VAV3: variants seen among roughly 807,000 people sequenced by gnomAD.
VAV3 encodes guanine nucleotide exchange factor VAV3.
Under a neutral mutation model 131.2 loss-of-function variants are expected in VAV3, and 94 were observed. The ratio of observed to expected loss-of-function variants is 0.72; its 90% CI spans 0.61 to 0.85. VAV3 has a LOEUF of 0.85. Among genes scored for constraint, VAV3 ranks in the 40% least tolerant of loss-of-function variants. The probability of loss-of-function intolerance (pLI) is 0.00; values close to 1 mark genes in which losing one functional copy is unlikely to be tolerated. For missense variants in VAV3, 939 were observed against 1,002.7 expected (o/e 0.94, Z 0.86); for synonymous variants, 349 against 342.0 (o/e 1.02, Z -0.22).
chr1:107,896,314 C>T (rs1671570241), intron 1 of VAV3, among the ~76,000 whole-genome samples: 1 of 152,136 alleles, frequency 6.6e-6, no homozygotes, highest in Non-Finnish European at 1.5e-5. Context: ...TGGAGTGCCT[C>T]TCCCCATCCC....
chr1:107,936,883 C>T (rs755399333), intron 1 of VAV3, among the ~76,000 whole-genome samples: 2 of 152,170 alleles, frequency 1.3e-5, no homozygotes, highest in Non-Finnish European at 2.9e-5. Flanking sequence ...CCCGACCGAT[C>T]TTGTGATTTG....
At chr1:107,736,975 C>G (rs961640106) in intron 15 of VAV3, among the ~76,000 whole-genome samples, 2 of 152,124 alleles carry the variant, frequency 1.3e-5, no homozygotes, top group Non-Finnish European at 2.9e-5. Flanking sequence ...CTACAGTAAC[C>G]AAAACAGCAT....
At chr1:107,663,137 T>TA (rs1360628218) in intron 19 of VAV3, among the ~76,000 whole-genome samples, 3 of 152,200 alleles carry the variant, frequency 2.0e-5, no homozygotes, top group African/African-American at 7.2e-5. Flanking sequence ...GTTCATCTGG[T>TA]TAGTCAGGAT....
chr1:107,849,326 C>T (rs768894692), intron 2 of VAV3, among the ~76,000 whole-genome samples: 5 of 150,970 alleles, frequency 3.3e-5, no homozygotes, highest in Non-Finnish European at 5.9e-5. Context: ...TGACTTCAAA[C>T]TATACTACAA....
intron 1 of VAV3, among the ~76,000 whole-genome samples, chr1:107,885,566 T>A (rs758923325): frequency 6.6e-6 from 1 of 152,096 alleles, no homozygotes; most frequent in Non-Finnish European, 1.5e-5. Context: ...GAAAGATAAT[T>A]ATCTACAAAT....
At chr1:107,750,509 G>C (rs1260960576) in intron 13 of VAV3, among the ~76,000 whole-genome samples, 2 of 152,134 alleles carry the variant, frequency 1.3e-5, no homozygotes, top group Non-Finnish European at 2.9e-5. Flanking sequence ...ATTTCTCCCA[G>C]AGAGGTTTAA....
At chr1:107,584,078 A>C (rs898203082) in intron 25 of VAV3, among the ~76,000 whole-genome samples, 5 of 152,208 alleles carry the variant, frequency 3.3e-5, no homozygotes, top group African/African-American at 7.2e-5. Context: ...AAAGGAACAG[A>C]ACAGAGCCCT....
At chr1:107,833,884 A>T (rs1319562865) in intron 2 of VAV3, among the ~76,000 whole-genome samples, 1 of 152,244 alleles carries the variant, frequency 6.6e-6, no homozygotes, top group Non-Finnish European at 1.5e-5. Context: ...ACTACAAGTA[A>T]TCAAGCACTA....
chr1:107,776,085 T>C (rs1327579851), intron 4 of VAV3, among the ~76,000 whole-genome samples: 3 of 152,192 alleles, frequency 2.0e-5, no homozygotes, highest in African/African-American at 7.2e-5. Context: ...CCTAGTAATA[T>C]TGTGGTATTA....
At chr1:107,694,969 G>A (rs1193450805) in intron 17 of VAV3, among the ~76,000 whole-genome samples, 3 of 152,178 alleles carry the variant, frequency 2.0e-5, no homozygotes, top group African/African-American at 7.2e-5. Flanking sequence ...CATTAGGAGT[G>A]TCAGAAAAGG....
At chr1:107,765,981 C>T (rs1164594503) in intron 8 of VAV3, among the ~76,000 whole-genome samples, 2 of 151,740 alleles carry the variant, frequency 1.3e-5, no homozygotes, top group African/African-American at 4.8e-5. Flanking sequence ...TTTTTTTTAA[C>T]TTAGAAAGGG....
At chr1:107,621,431 T>C (rs1411389714) in intron 20 of VAV3, among the ~76,000 whole-genome samples, 3 of 152,072 alleles carry the variant, frequency 2.0e-5, no homozygotes, top group Non-Finnish European at 2.9e-5. Flanking sequence ...GGGCTTTCTT[T>C]GGTTTCTTGG....
chr1:107,865,784 C>T (rs980732967), intron 2 of VAV3, among the ~76,000 whole-genome samples: 13 of 152,216 alleles, frequency 8.5e-5, no homozygotes, highest in African/African-American at 3.1e-4. Flanking sequence ...GCAATTATCA[C>T]ACTGCCTCTC....
At chr1:107,896,658 G>A (rs968142320) in intron 1 of VAV3, among the ~76,000 whole-genome samples, 1 of 152,060 alleles carries the variant, frequency 6.6e-6, no homozygotes, top group Non-Finnish European at 1.5e-5. Context: ...AGAGGTTGGA[G>A]GTGTGTGATT....
At chr1:107,808,741 A>G (rs1667179409) in intron 2 of VAV3, among the ~76,000 whole-genome samples, 1 of 152,172 alleles carries the variant, frequency 6.6e-6, no homozygotes, top group African/African-American at 2.4e-5. Context: ...CTAGCTCCAC[A>G]ATATTCCATA....
chr1:107,663,306 T>C (rs974485084), intron 19 of VAV3, among the ~76,000 whole-genome samples: 2 of 152,184 alleles, frequency 1.3e-5, no homozygotes, highest in African/African-American at 4.8e-5. Flanking sequence ...AAAATAACTT[T>C]ATAATGAAAG....
At chr1:107,796,346 A>G (rs910596823) in intron 2 of VAV3, among the ~76,000 whole-genome samples, 2 of 152,208 alleles carry the variant, frequency 1.3e-5, no homozygotes, top group Admixed American at 1.3e-4. Flanking sequence ...TCCAACTCCT[A>G]TCAGTGAGCA....
At chr1:107,931,327 T>C (rs1283447998) in intron 1 of VAV3, among the ~76,000 whole-genome samples, 1 of 152,224 alleles carries the variant, frequency 6.6e-6, no homozygotes, top group African/African-American at 2.4e-5. Flanking sequence ...TTTGCTTTAA[T>C]ACTTAGGCAG....
At chr1:107,858,156 A>C (rs1264139452) in intron 2 of VAV3, among the ~76,000 whole-genome samples, 1 of 152,184 alleles carries the variant, frequency 6.6e-6, no homozygotes, top group Non-Finnish European at 1.5e-5. Flanking sequence ...CACCACCAGA[A>C]TTTAAACTAA....
Sources: gnomAD v4.1 joint callset for allele counts (sites outside exome capture counted in the v4.1 genomes callset) on GRCh38, gnomAD v4.1.1 for gene constraint, MANE v1.5 for transcripts, NCBI Gene and HGNC (gene_info 2026-07-23, HGNC 2026-07-21) for gene names.